Variants in CCDC102B observed in about 807,000 individuals in gnomAD.
The protein encoded by CCDC102B is coiled-coil domain containing 102B.
A neutral mutation model predicts 57.4 loss-of-function variants in CCDC102B; 75 were observed. That is an observed-to-expected ratio of 1.31 (90% CI 1.08 to 1.58). CCDC102B has a LOEUF of 1.58. Ranked by LOEUF, CCDC102B falls within the 40% of genes most tolerant of loss-of-function variation. The probability of loss-of-function intolerance (pLI) is 0.00; values close to 1 mark genes in which losing one functional copy is unlikely to be tolerated. For synonymous variants in CCDC102B, 206 were observed against 201.9 expected (o/e 1.02, Z -0.17); for missense variants, 636 against 582.6 (o/e 1.09, Z -0.94).
At chr18:69,004,881 T>A (rs543238791) in intron 6 of CCDC102B, among the ~76,000 whole-genome samples, 1 of 152,260 alleles carries the variant, frequency 6.6e-6, no homozygotes, top group African/African-American at 2.4e-5. Flanking sequence ...CACAGCATAT[T>A]TGACACATGA....
chr18:69,018,258 C>T (rs775451647), intron 7 of CCDC102B, among the ~76,000 whole-genome samples: 52 of 152,310 alleles, frequency 3.4e-4, no homozygotes, highest in Non-Finnish European at 7.2e-4. Flanking sequence ...CACATATGCA[C>T]ATATATACAT....
intron 4 of CCDC102B, among the ~76,000 whole-genome samples, chr18:68,870,415 A>T (rs187540223): frequency 6.6e-6 from 1 of 152,206 alleles, no homozygotes; most frequent in African/African-American, 2.4e-5. Flanking sequence ...ACGCTCCCTC[A>T]TCCCCAACCT....
chr18:69,036,488 G>A (rs1167415103), intron 7 of CCDC102B, among the ~76,000 whole-genome samples: 1 of 152,040 alleles, frequency 6.6e-6, no homozygotes, highest in South Asian at 2.1e-4. Context: ...GATTCATCTG[G>A]CATACCTAAA....
chr18:68,784,845 T>A (rs1187679979), intron 2 of CCDC102B, among the ~76,000 whole-genome samples: 3 of 151,004 alleles, frequency 2.0e-5, no homozygotes, highest in Non-Finnish European at 3.0e-5. Context: ...TTTTTTTTTT[T>A]ATTAAAGTTT....
chr18:68,953,355 C>CTTTTTTTTTTTT, intron 6 of CCDC102B, among the ~76,000 whole-genome samples: 2 of 125,536 alleles, frequency 1.6e-5, no homozygotes, highest in Non-Finnish European at 3.3e-5. Flanking sequence ...CAATACTTGT[C>CTTTTTTTTTTTT]TTTTTTTTTT....
At chr18:68,920,534 G>C (rs1186244121) in intron 6 of CCDC102B, among the ~76,000 whole-genome samples, 6 of 152,092 alleles carry the variant, frequency 3.9e-5, no homozygotes, top group African/African-American at 7.2e-5. Context: ...GCTCCATATG[G>C]CTGGGGAGGC....
chr18:68,791,512 A>T (rs762088119), intron 2 of CCDC102B, among the ~76,000 whole-genome samples: 15 of 115,180 alleles, frequency 1.3e-4, no homozygotes, highest in Non-Finnish European at 2.0e-4. Flanking sequence ...GCAAACAAAA[A>T]TGGGTTTTGT....
chr18:69,034,639 T>G (rs918191649), intron 7 of CCDC102B, among the ~76,000 whole-genome samples: 2 of 151,786 alleles, frequency 1.3e-5, no homozygotes, highest in Non-Finnish European at 2.9e-5. Context: ...AGTACTGAAA[T>G]TAACAAATGT....
chr18:69,020,960 G>A (rs2051816918), intron 7 of CCDC102B, among the ~76,000 whole-genome samples: 1 of 152,060 alleles, frequency 6.6e-6, no homozygotes, highest in African/African-American at 2.4e-5. Flanking sequence ...AGGCTCTTCA[G>A]TTCACACTCA....
chr18:68,895,392 T>C (rs2040207478), intron 5 of CCDC102B, among the ~76,000 whole-genome samples: 1 of 151,800 alleles, frequency 6.6e-6, no homozygotes, highest in Non-Finnish European at 1.5e-5. Context: ...TTTAGGCTTT[T>C]ATATCATAAT....
chr18:68,880,533 G>A (rs960861029), intron 5 of CCDC102B, among the ~76,000 whole-genome samples: 1 of 152,240 alleles, frequency 6.6e-6, no homozygotes, highest in East Asian at 1.9e-4. Flanking sequence ...AGGGCTGTGA[G>A]GACTGCCAGC....
chr18:69,008,319 A>G (rs946918786), intron 6 of CCDC102B, among the ~76,000 whole-genome samples: 2 of 152,212 alleles, frequency 1.3e-5, no homozygotes, highest in Admixed American at 6.5e-5. Context: ...TAATTCAGCA[A>G]ACTCAGTGAT....
At chr18:68,721,933 G>C (rs1382858403) in intron 2 of CCDC102B, among the ~76,000 whole-genome samples, 5 of 152,170 alleles carry the variant, frequency 3.3e-5, no homozygotes, top group Non-Finnish European at 7.3e-5. Flanking sequence ...ATAACTTTTG[G>C]TGAGCCAGCT....
chr18:68,719,336 C>T (rs930376249), intron 2 of CCDC102B, among the ~76,000 whole-genome samples: 3 of 152,106 alleles, frequency 2.0e-5, no homozygotes. Context: ...AATCTTCCAT[C>T]TGCAAGCTGG....
chr18:68,869,735 A>G (rs1370338785), intron 4 of CCDC102B, among the ~76,000 whole-genome samples: 2 of 152,122 alleles, frequency 1.3e-5, no homozygotes, highest in African/African-American at 2.4e-5. Context: ...ATTAGATCCC[A>G]TTTGTCAATT....
rs140313018 is a variant in CCDC102B, at chr18:69,013,462, G to A, written c.1434+2358G>A. On this transcript the variant is annotated intron_variant, in intron 7 of 7. Coordinates refer to ENST00000360242, the MANE Select transcript of CCDC102B (RefSeq NM_024781.3). Reference sequence around the variant, plus strand: ...TGGTGAAGGATATACTGAAAGTCCTGACTTCACCACTGTGCAATATATCCA... The same window carrying A: ...TGGTGAAGGATATACTGAAAGTCCTAACTTCACCACTGTGCAATATATCCA... 2.2e-3 allele frequency among the ~76,000 whole-genome samples: 329 copies of A among 152,218 alleles called. 1 individual carries two copies. The highest frequency in any genetic ancestry group is 7.5e-3 in the African/African-American group (312 of 41,546).
At chr18:68,962,527 GAATT>G (rs2145232718) in intron 6 of CCDC102B, among the ~76,000 whole-genome samples, 1 of 151,946 alleles carries the variant, frequency 6.6e-6, no homozygotes, top group Admixed American at 6.6e-5. Flanking sequence ...TTTTGACTGA[GAATT>G]ATCCCATCCA....
chr18:68,874,723 A>G lies in CCDC102B; in HGVS notation c.991A>G (p.Ile331Val). 1 of 1,612,522 alleles carries G rather than the reference A, an allele frequency of 6.2e-7. No homozygotes were observed. The highest frequency in any genetic ancestry group is 8.5e-7 in the Non-Finnish European group (1 of 1,178,876). Residue 331 changes from isoleucine to valine, a missense_variant, in exon 5 of 8, where the codon ATA (isoleucine) becomes GTA (valine). Coordinates refer to ENST00000360242, the MANE Select transcript of CCDC102B (RefSeq NM_024781.3). ...NDEMQELSGNIKEESKSQNSK... is the reference protein window; with the variant it reads ...NDEMQELSGNVKEESKSQNSK... ...TGAAATGCAAGAACTGTCAGGCAAT[A>G]TAAAGGAAGAATCCAAATCTCAAAA... is the stretch of plus-strand genomic sequence containing the variant.
At chr18:68,733,940 T>C (rs779222351) in intron 2 of CCDC102B, among the ~76,000 whole-genome samples, 2 of 152,160 alleles carry the variant, frequency 1.3e-5, no homozygotes, top group African/African-American at 4.8e-5. Context: ...TCGACTCACA[T>C]GTTGGCTGCG....
Sources: allele counts gnomAD v4.1 joint callset (sites outside exome capture counted in the v4.1 genomes callset), GRCh38; gene constraint gnomAD v4.1.1; transcripts MANE v1.5; gene names NCBI Gene and HGNC (gene_info 2026-07-23, HGNC 2026-07-21).